ETV5: variants seen among roughly 807,000 people sequenced by gnomAD.
ETV5 encodes ETS variant transcription factor 5.
A neutral mutation model predicts 70.0 loss-of-function variants in ETV5; 10 were observed. The ratio of observed to expected loss-of-function variants is 0.14; its 90% CI spans 0.09 to 0.24. The LOEUF (loss-of-function observed/expected upper bound fraction) is 0.24. Ranked by LOEUF, ETV5 falls within the 10% of genes least tolerant of loss-of-function variation. The probability of loss-of-function intolerance (pLI) is 1.00; values close to 1 mark genes in which losing one functional copy is unlikely to be tolerated. For synonymous variants in ETV5, 216 were observed against 242.2 expected, an observed-to-expected ratio of 0.89 and a Z score of 1.01; for missense variants, 453 against 651.2, an observed-to-expected ratio of 0.70 and a Z score of 3.31.
chr3:186,055,216 C>G (rs545564974), intron 11 of ETV5, among the ~76,000 whole-genome samples: 54 of 152,232 alleles, frequency 3.5e-4, no homozygotes, highest in African/African-American at 1.3e-3. Flanking sequence ...GAGGCAGTGG[C>G]AATAAAATAA....
chr3:186,071,780 G>C (rs1713644307), intron 7 of ETV5, among the ~76,000 whole-genome samples: 1 of 151,400 alleles, frequency 6.6e-6, no homozygotes, highest in African/African-American at 2.4e-5. Context: ...AGACCAGCCT[G>C]ACCAACACGG....
At chr3:186,069,458 C>T (rs1377026937) in intron 7 of ETV5, among the ~76,000 whole-genome samples, 3 of 151,350 alleles carry the variant, frequency 2.0e-5, no homozygotes, top group Admixed American at 6.6e-5. Context: ...GGCAGCATGC[C>T]GCAAACCTAA....
chr3:186,100,027 T>C (rs1194640709), intron 5 of ETV5, among the ~76,000 whole-genome samples: 1 of 152,182 alleles, frequency 6.6e-6, no homozygotes, highest in Non-Finnish European at 1.5e-5. Flanking sequence ...TTTAAGTAAA[T>C]GCGTACTGTA....
At chr3:186,061,467 T>G (rs1477487602) in intron 9 of ETV5, among the ~76,000 whole-genome samples, 3 of 152,190 alleles carry the variant, frequency 2.0e-5, no homozygotes, top group Admixed American at 6.5e-5. Flanking sequence ...GGGGTTCTGA[T>G]TCAGTAGGCC....
chr3:186,061,641 G>T (rs994820824), intron 9 of ETV5, among the ~76,000 whole-genome samples: 1 of 152,180 alleles, frequency 6.6e-6, no homozygotes, highest in African/African-American at 2.4e-5. Context: ...CTATTTCAAT[G>T]TTTAGAAGGG....
At chr3:186,061,791 C>G (rs1264852258) in intron 9 of ETV5, among the ~76,000 whole-genome samples, 1 of 152,196 alleles carries the variant, frequency 6.6e-6, no homozygotes, top group Non-Finnish European at 1.5e-5. Context: ...AATGAGCCCA[C>G]TGATTTGCTA....
intron 6 of ETV5, among the ~76,000 whole-genome samples, 156 bp from the exon 7 acceptor site, chr3:186,080,260 C>T (rs902997034): frequency 2.6e-5 from 4 of 152,180 alleles, no homozygotes; most frequent in Non-Finnish European, 5.9e-5. Flanking sequence ...GATATTTGTA[C>T]CTCTGAAAAG....
chr3:186,050,877 G>A (rs1368985624), intron 12 of ETV5, among the ~76,000 whole-genome samples: 1 of 152,216 alleles, frequency 6.6e-6, no homozygotes, highest in Non-Finnish European at 1.5e-5. Flanking sequence ...GGCTGGCCAG[G>A]TACTGAGAGC....
At chr3:186,094,849 C>A (rs141915182) in intron 5 of ETV5, among the ~76,000 whole-genome samples, 1 of 152,186 alleles carries the variant, frequency 6.6e-6, no homozygotes, top group Non-Finnish European at 1.5e-5. Flanking sequence ...GAGTACGGAA[C>A]TGACTCCAGG....
chr3:186,064,664 C>G (rs1008877157), intron 8 of ETV5, 188 bp from the exon 9 acceptor site: 13 of 575,320 alleles, frequency 2.3e-5, no homozygotes, highest in Non-Finnish European at 2.8e-5. Context: ...AACCCACCAG[C>G]TGAAAGGCAG....
chr3:186,053,577 C>T (rs1348504683), intron 11 of ETV5, among the ~76,000 whole-genome samples: 1 of 152,196 alleles, frequency 6.6e-6, no homozygotes, highest in Non-Finnish European at 1.5e-5. Context: ...AAGAATGCAT[C>T]TCTCTTAATT....
In ETV5 at chr3:186,056,909, C is replaced by T. The variant is rs114514068; in HGVS notation, c.1209+166G>A. On this transcript the variant is annotated intron_variant, in intron 11 of 12. Transcript: ENST00000306376. Reference sequence around the variant, plus strand: ...ACTCTGCCTGTCCATGTATTAGAAACTGTCCCATTAATAGGAGGGATACAG... The same window carrying T: ...ACTCTGCCTGTCCATGTATTAGAAATTGTCCCATTAATAGGAGGGATACAG... Among the ~76,000 whole-genome samples, 787 of 152,346 alleles carry T rather than the reference C, an allele frequency of 5.2e-3. 3 individuals are homozygous for T. The highest frequency in any genetic ancestry group is 0.018 in the African/African-American group (764 of 41,578).
Position 186,048,804 on chromosome 3 carries a change from G to A in ETV5, c.1368C>T (p.Ser456=), listed in dbSNP as rs948244437. Residue 456 remains serine (S), a synonymous_variant, in exon 13 of 13, where the codon TCC becomes TCT. Transcript: ENST00000306376. ...GACGCTGGTTATCCGGGAAAGCCAT[G>A]GAGAAGAGGGCATCTGGGTCACAGA... ...KFVCDPDALF[S]MAFPDNQRPF... 1.9e-6 allele frequency: 3 copies of A among 1,614,164 alleles called. No homozygotes were observed. The highest frequency in any genetic ancestry group is 2.5e-6 in the Non-Finnish European group (3 of 1,180,024).
intron 1 of ETV5, chr3:186,108,432 C>G (rs1267506919): frequency 6.5e-6 from 7 of 1,077,484 alleles, no homozygotes; most frequent in Non-Finnish European, 8.8e-6. Flanking sequence ...CCTGGTCGAC[C>G]CCCGCCCCCG....
chr3:186,103,718 C>T (rs1475354052), intron 5 of ETV5, among the ~76,000 whole-genome samples: 2 of 152,040 alleles, frequency 1.3e-5, no homozygotes, highest in African/African-American at 2.4e-5. Context: ...CCCAATCACT[C>T]GAAAGCAATC....
chr3:186,099,574 T>C (rs1025838349), intron 5 of ETV5, among the ~76,000 whole-genome samples: 2 of 152,172 alleles, frequency 1.3e-5, no homozygotes, highest in Non-Finnish European at 2.9e-5. Flanking sequence ...ACCCAAGAAA[T>C]GTGTGGAGGG....
chr3:186,108,742 G>T (rs1274923286), intron 1 of ETV5, 198 bp downstream of exon 1: 1 of 973,878 alleles, frequency 1.0e-6, no homozygotes, highest in South Asian at 1.8e-5. Flanking sequence ...AGCCGCACCC[G>T]CCCGACGCCT....
At chr3:186,075,506 A>T (rs1046308261) in intron 7 of ETV5, among the ~76,000 whole-genome samples, 20 of 152,264 alleles carry the variant, frequency 1.3e-4, no homozygotes, top group Non-Finnish European at 2.2e-4. Flanking sequence ...TAATTTATCT[A>T]GCATCCTTAA....
At chr3:186,072,275 G>A (rs748322658) in intron 7 of ETV5, among the ~76,000 whole-genome samples, 5 of 151,876 alleles carry the variant, frequency 3.3e-5, no homozygotes, top group South Asian at 2.1e-4. Context: ...CCAGGTACTC[G>A]GGAGGCTGAG....
Sources: gnomAD v4.1 joint callset for allele counts (sites outside exome capture counted in the v4.1 genomes callset) on GRCh38, gnomAD v4.1.1 for gene constraint, MANE v1.5 for transcripts, NCBI Gene and HGNC (gene_info 2026-07-23, HGNC 2026-07-21) for gene names.